Variants in DDX60L observed in about 807,000 individuals in gnomAD.
DDX60L encodes the protein probable ATP-dependent RNA helicase DDX60-like.
In DDX60L, 191 loss-of-function variants were observed where a neutral mutation model predicts 211.6. The ratio of observed to expected loss-of-function variants is 0.90; its 90% CI spans 0.80 to 1.02. The LOEUF is 1.02. Ranked by LOEUF, DDX60L falls within the 50% of genes least tolerant of loss-of-function variation. The pLI, the probability that DDX60L is intolerant of heterozygous loss-of-function variation, is 0.00. For missense variants in DDX60L, 2,007 were observed against 1,984.1 expected, an observed-to-expected ratio of 1.01 and a Z score of -0.22; for synonymous variants, 706 against 694.1, an observed-to-expected ratio of 1.02 and a Z score of -0.27.
chr4:168,435,514 T>G (rs999542404), intron 10 of DDX60L, among the ~76,000 whole-genome samples: 1 of 152,190 alleles, frequency 6.6e-6, no homozygotes. Flanking sequence ...AACCCTATGA[T>G]GACTCCAACT....
Position 168,394,542 on chromosome 4 carries a change from T to TC in DDX60L, c.3732dup (p.Ile1245AspfsTer11). ...TACATGCTGCTGTGATGATATCCAA[T>TC]CCCCCTTTGTGCTAAAGCCTTCAGT... On this transcript the variant is annotated frameshift_variant, in exon 28 of 38. Transcript: ENST00000682922. LOFTEE classifies it high-confidence loss of function. 6.2e-7 allele frequency: 1 copy of TC among 1,613,658 alleles called. No individual in the cohort carries two copies. Among genetic ancestry groups the TC allele is most frequent in the East Asian group, 2.2e-5 (1 of 44,868 alleles).
chr4:168,448,562 G>A, intron 9 of DDX60L, 76 bp downstream of exon 9: 3 of 1,114,400 alleles, frequency 2.7e-6, no homozygotes, highest in Non-Finnish European at 3.8e-6. Context: ...ATGTTGCTGT[G>A]GTATGTACTG....
chr4:168,397,005 G>C (rs1316329119), intron 26 of DDX60L, among the ~76,000 whole-genome samples: 2 of 152,140 alleles, frequency 1.3e-5, no homozygotes, highest in Non-Finnish European at 2.9e-5. Context: ...ATTAAGTCAC[G>C]AAGACAGAGT....
intron 8 of DDX60L, 100 bp from the exon 9 acceptor site, chr4:168,448,879 G>A (rs1579725646): frequency 1.9e-6 from 2 of 1,063,806 alleles, no homozygotes; most frequent in Admixed American, 5.3e-5. Flanking sequence ...ACATTTCTGG[G>A]TGGAATGATA....
At chr4:168,377,445 T>C (rs1742171528) in intron 33 of DDX60L, among the ~76,000 whole-genome samples, 2 of 152,184 alleles carry the variant, frequency 1.3e-5, no homozygotes, top group Non-Finnish European at 2.9e-5. Context: ...TCTCTTTTTG[T>C]AGCAAAGAGA....
chr4:168,453,489 T>G (rs1756095124), intron 7 of DDX60L, among the ~76,000 whole-genome samples: 1 of 152,168 alleles, frequency 6.6e-6, no homozygotes, highest in South Asian at 2.1e-4. Context: ...ACATAATGCA[T>G]TTCTTATGAT....
At chr4:168,435,700 T>G (rs1404700424) in intron 10 of DDX60L, among the ~76,000 whole-genome samples, 1 of 152,168 alleles carries the variant, frequency 6.6e-6, no homozygotes, top group Non-Finnish European at 1.5e-5. Flanking sequence ...TTCACTGTCC[T>G]ACCCTAGCCC....
chr4:168,472,851 C>G, intron 1 of DDX60L, 42 bp from the exon 2 acceptor site: 2 of 792,036 alleles, frequency 2.5e-6, no homozygotes, highest in South Asian at 3.7e-5. Context: ...ATTCCTAAAA[C>G]AAAGAAATGG....
chr4:168,397,640 A>T (rs958972253), intron 26 of DDX60L, among the ~76,000 whole-genome samples: 4 of 152,340 alleles, frequency 2.6e-5, no homozygotes, highest in African/African-American at 9.6e-5. Context: ...CCTACCCATT[A>T]ACAACCCTAC....
intron 19 of DDX60L, among the ~76,000 whole-genome samples, chr4:168,417,490 AG>A (rs1320914125): frequency 6.6e-6 from 1 of 152,206 alleles, no homozygotes; most frequent in African/African-American, 2.4e-5. Context: ...TCATTGCCTC[AG>A]AAACACCTTC....
chr4:168,373,354 T>C (rs1246130025), intron 35 of DDX60L, among the ~76,000 whole-genome samples: 2 of 152,140 alleles, frequency 1.3e-5, no homozygotes, highest in African/African-American at 2.4e-5. Flanking sequence ...ATGAGGTCTA[T>C]GATCAATTTT....
chr4:168,383,188 G>T (rs1743260175), intron 30 of DDX60L, among the ~76,000 whole-genome samples: 1 of 151,996 alleles, frequency 6.6e-6, no homozygotes, highest in Non-Finnish European at 1.5e-5. Flanking sequence ...ATGCCTTATG[G>T]TCTTTGGTGG....
Position 168,471,751 on chromosome 4 carries a change from A to T in DDX60L, c.260T>A (p.Phe87Tyr), listed in dbSNP as rs1758811187. ...SNGGQFTIVF[F>Y]KDAEYAYFDF... ...ACATCAATCATCATATATTACCTTA[A>T]AGAAAACTATGGTGAATTGTCCTCC... Residue 87 changes from phenylalanine to tyrosine, a missense_variant, in exon 4 of 38, where the codon TTT (phenylalanine) becomes TAT (tyrosine). Coordinates refer to ENST00000682922, the MANE Select transcript of DDX60L (RefSeq NM_001012967.3). The T allele has an allele frequency of 6.3e-7, 1 of 1,590,680 alleles. No homozygotes were observed. The highest frequency in any genetic ancestry group is 8.5e-7 in the Non-Finnish European group (1 of 1,174,216).
At chr4:168,362,606 C>A (rs1349344327) in intron 36 of DDX60L, among the ~76,000 whole-genome samples, 2 of 152,172 alleles carry the variant, frequency 1.3e-5, no homozygotes, top group Non-Finnish European at 2.9e-5. Flanking sequence ...CCACCAACAT[C>A]TGTAGCCTAT....
Position 168,473,666 on chromosome 4 carries a change from G to T in DDX60L, c.-110-857C>A, listed in dbSNP as rs889688551. ...ACTATCAAGTCATTTGATTACTAAA[G>T]ATAACTGAGGAAATGAGTATATATC... On this transcript the variant is annotated intron_variant, in intron 1 of 37. Transcript: ENST00000682922. Among the ~76,000 whole-genome samples, 3 of 152,262 alleles carry T rather than the reference G, an allele frequency of 2.0e-5. No individual in the cohort carries two copies. In the East Asian group the frequency reaches 5.8e-4, roughly 29 times the overall value.
intron 10 of DDX60L, among the ~76,000 whole-genome samples, chr4:168,437,826 T>TAACTTAACC (rs1753260181): frequency 6.6e-6 from 1 of 151,728 alleles, no homozygotes; most frequent in Non-Finnish European, 1.5e-5. Context: ...AGACTCCTGG[T>TAACTTAACC]CTTCACTTAA....
intron 27 of DDX60L, among the ~76,000 whole-genome samples, 200 bp from the exon 28 acceptor site, chr4:168,394,817 G>A (rs1442683968): frequency 6.6e-6 from 1 of 152,162 alleles, no homozygotes; most frequent in Non-Finnish European, 1.5e-5. Flanking sequence ...TCAGAAAAGA[G>A]GCATTCATAA....
At chr4:168,414,472 G>A (rs1749199285) in intron 22 of DDX60L, among the ~76,000 whole-genome samples, 1 of 151,766 alleles carries the variant, frequency 6.6e-6, no homozygotes, top group African/African-American at 2.4e-5. Flanking sequence ...ACTAAAACTA[G>A]AGCTACCTTA....
chr4:168,390,560 T>C (rs1269243561), intron 29 of DDX60L: 1 of 1,176,554 alleles, frequency 8.5e-7, no homozygotes, highest in South Asian at 1.8e-5. Context: ...GAGGAAAATT[T>C]CAAGAATAAG....
Sources: allele counts gnomAD v4.1 joint callset (sites outside exome capture counted in the v4.1 genomes callset), GRCh38; gene constraint gnomAD v4.1.1; transcripts MANE v1.5; gene names NCBI Gene and HGNC (gene_info 2026-07-23, HGNC 2026-07-21).